The following RPE variants were observed in gnomAD, a reference collection of about 807,000 sequenced individuals.
RPE encodes the protein ribulose-5-phosphate-3-epimerase.
A neutral mutation model predicts 24.6 loss-of-function variants in RPE; 16 were observed. That is an observed-to-expected ratio of 0.65 (90% CI 0.44 to 0.99). The LOEUF is 0.99. RPE is among the 50% of genes least tolerant of loss of function. RPE has a pLI of 0.00. For synonymous variants in RPE, 93 were observed against 98.4 expected, an observed-to-expected ratio of 0.94 and a Z score of 0.33; for missense variants, 240 against 294.5, an observed-to-expected ratio of 0.81 and a Z score of 1.35.
rs889962062 is a variant in RPE at position 210,003,306 on chromosome 2, G to A, written c.122+523G>A. 2.2e-5 allele frequency: 9 copies of A among 402,890 alleles called. No homozygotes were observed. In the Admixed American group the frequency reaches 2.5e-4, roughly 11 times the overall value. 25.0% of individuals were successfully genotyped at this position (402,890 alleles called of 1,614,324 possible). A position where few individuals can be genotyped will look rare whatever the true frequency, so the allele number is the denominator to read the frequency against. ...AATGGAACTACTAACAGAACCTACC[G>A]CTTAGGCATCTTGGAAGATGAAATG... On this transcript the variant is annotated intron_variant, in intron 1 of 5. Coordinates refer to ENST00000359429, the MANE Select transcript of RPE (RefSeq NM_199229.3).
At chr2:210,008,493 A>T (rs2093660229) in intron 1 of RPE, among the ~76,000 whole-genome samples, 1 of 151,654 alleles carries the variant, frequency 6.6e-6, no homozygotes, top group South Asian at 2.1e-4. Context: ...ACGGAGTTTC[A>T]CCATGTTGGC....
intron 2 of RPE, among the ~76,000 whole-genome samples, chr2:210,012,076 A>T (rs554198289): frequency 1.3e-5 from 2 of 152,318 alleles, no homozygotes; most frequent in Admixed American, 1.3e-4. Context: ...CCTAGATTAC[A>T]TGTTGTGTTG....
At chr2:210,019,218 C>G (rs1265779810) in intron 5 of RPE, among the ~76,000 whole-genome samples, 8 of 152,096 alleles carry the variant, frequency 5.3e-5, no homozygotes, top group Admixed American at 5.2e-4. Context: ...TTAATTTTGC[C>G]GTAGTTTATG....
At position 210,006,855 on chromosome 2, in the gene RPE, T is replaced by G. The variant is rs368947254; in HGVS notation, c.123-2802T>G. On this transcript the variant is annotated intron_variant, in intron 1 of 5. Transcript: ENST00000359429. The stretch of plus-strand genomic sequence containing the variant: ...GAATCACTTTTTTAATGATAGAAAT[T>G]AAACCTCCAAAGACCAAGGTGTTAT... 1.7e-4 allele frequency among the ~76,000 whole-genome samples: 26 copies of G among 152,334 alleles called. No homozygotes were observed. In the South Asian group the frequency reaches 2.9e-3, roughly 17 times the overall value.
chr2:210,018,352 G>C, intron 5 of RPE: 1 of 1,387,222 alleles, frequency 7.2e-7, no homozygotes, highest in South Asian at 1.7e-5. Flanking sequence ...ATCTAGGCCT[G>C]ATACCTCTTT....
At chr2:210,014,067 A>G (rs1300676838) in intron 2 of RPE, among the ~76,000 whole-genome samples, 2 of 152,058 alleles carry the variant, frequency 1.3e-5, no homozygotes, top group African/African-American at 4.8e-5. Context: ...TGGTAACTTA[A>G]GGAATGAATA....
chr2:210,002,795 G>A lies in RPE; in HGVS notation c.122+12G>A, dbSNP rs201057527. 4.6e-5 allele frequency: 74 copies of A among 1,614,098 alleles called. No homozygotes were observed. The highest frequency in any genetic ancestry group is 5.7e-5 in the Non-Finnish European group (67 of 1,180,008). ...GACGTAATGGACGGGTAACTCCTCCGGGCTCCGGTCGGGCTTGCCGCGCGG... is the reference window on the plus strand; with the variant it reads ...GACGTAATGGACGGGTAACTCCTCCAGGCTCCGGTCGGGCTTGCCGCGCGG... On this transcript the variant is annotated intron_variant, in intron 1 of 5. Coordinates refer to ENST00000359429, the MANE Select transcript of RPE (RefSeq NM_199229.3).
chr2:210,005,913 A>G (rs1342373554), intron 1 of RPE, among the ~76,000 whole-genome samples: 1 of 152,122 alleles, frequency 6.6e-6, no homozygotes, highest in Non-Finnish European at 1.5e-5. Context: ...TTGTTGGGAG[A>G]TAGGGTAAAT....
intron 1 of RPE, among the ~76,000 whole-genome samples, chr2:210,004,358 C>T (rs2093602372): frequency 6.6e-6 from 1 of 152,122 alleles, no homozygotes; most frequent in African/African-American, 2.4e-5. Flanking sequence ...TGTGAATTAA[C>T]TCAAACAACC....
intron 2 of RPE, among the ~76,000 whole-genome samples, chr2:210,011,654 T>A (rs1481173456): frequency 6.6e-6 from 1 of 152,102 alleles, no homozygotes; most frequent in East Asian, 1.9e-4. Context: ...TGTTTTTTGG[T>A]TTTTCGCTTT....
At chr2:210,009,078 G>T (rs2093667878) in intron 1 of RPE, among the ~76,000 whole-genome samples, 1 of 152,186 alleles carries the variant, frequency 6.6e-6, no homozygotes, top group African/African-American at 2.4e-5. Flanking sequence ...CTTCAAAGGG[G>T]ATAATAATAG....
At position 210,009,819 on chromosome 2, in the gene RPE, C is replaced by A. The variant is rs2093677606; in HGVS notation, c.202+83C>A. ...GATGGTTGATTTTAACTTCCAAGTT[C>A]ATCTGGCACCCTTTCCCCAACTTTC... On this transcript the variant is annotated intron_variant, in intron 2 of 5. Coordinates refer to ENST00000359429, the MANE Select transcript of RPE (RefSeq NM_199229.3). The A allele has an allele frequency of 1.3e-5, 20 of 1,569,828 alleles. No individual in the cohort carries two copies. In the South Asian group the frequency reaches 2.2e-4, roughly 17 times the overall value.
At chr2:210,017,681 A>AT (rs1279052996) in intron 5 of RPE, 122 bp downstream of exon 5, 4 of 777,168 alleles carry the variant, frequency 5.1e-6, no homozygotes, top group Non-Finnish European at 8.1e-6. Flanking sequence ...TTGGAAAAGT[A>AT]TTTTTTGTTC....
At position 210,009,755 on chromosome 2, in the gene RPE, A is replaced by G. The variant is rs1313716251; in HGVS notation, c.202+19A>G. 1.2e-6 allele frequency: 2 copies of G among 1,613,998 alleles called. No individual in the cohort carries two copies. The highest frequency in any genetic ancestry group is 1.7e-6 in the Non-Finnish European group (2 of 1,179,976). ...TTCTTTGGTAAGTGGGTGTTACGCC[A>G]TCTGAAGCTGGATGTGTTGCTCAAG... On this transcript the variant is annotated intron_variant, in intron 2 of 5. Transcript: ENST00000359429.
chr2:210,013,096 G>A (rs1575312237), intron 2 of RPE, among the ~76,000 whole-genome samples: 1 of 152,160 alleles, frequency 6.6e-6, no homozygotes, highest in South Asian at 2.1e-4. Context: ...GGTGTGTTAG[G>A]TATATTAAAT....
intron 5 of RPE, chr2:210,018,643 T>G (rs907271642): frequency 1.0e-5 from 10 of 985,362 alleles, no homozygotes; most frequent in Non-Finnish European, 1.1e-5. Flanking sequence ...CATATCCTTT[T>G]GATCGCTTGT....
In RPE at chr2:210,016,602, G is replaced by T. The variant is rs1447486562; in HGVS notation, c.438G>T (p.Gly146=). The T allele has an allele frequency of 1.2e-6, 2 of 1,614,100 alleles. No individual in the cohort carries two copies. Among genetic ancestry groups the T allele is most frequent in the East Asian group, 2.2e-5 (1 of 44,892 alleles). ...DMALVMTVEP[G]FGGQKFMEDM... is the part of the protein sequence containing the mutation. Reference sequence around the variant, plus strand: ...CCTTGGTTATGACAGTGGAACCGGGGTTTGGAGGGCAGAAATTCATGGAAG... The same window carrying T: ...CCTTGGTTATGACAGTGGAACCGGGTTTTGGAGGGCAGAAATTCATGGAAG... Residue 146 remains glycine, a synonymous_variant, in exon 4 of 6, where the codon GGG becomes GGT. Coordinates refer to ENST00000359429, the MANE Select transcript of RPE (RefSeq NM_199229.3).
intron 2 of RPE, among the ~76,000 whole-genome samples, chr2:210,014,080 G>A (rs2093736125): frequency 6.6e-6 from 1 of 151,702 alleles, no homozygotes; most frequent in South Asian, 2.1e-4. Context: ...AATGAATAGA[G>A]TAGGTTTTTT....
chr2:210,006,082 TTA>T (rs2093627000), intron 1 of RPE, among the ~76,000 whole-genome samples: 1 of 152,224 alleles, frequency 6.6e-6, no homozygotes, highest in Admixed American at 6.5e-5. Flanking sequence ...TTATTTTATT[TTA>T]TTTCTTTCAC....
Sources: gnomAD v4.1 joint callset for allele counts (sites outside exome capture counted in the v4.1 genomes callset) on GRCh38, gnomAD v4.1.1 for gene constraint, MANE v1.5 for transcripts, NCBI Gene and HGNC (gene_info 2026-07-23, HGNC 2026-07-21) for gene names.